The following PIK3C2G variants were observed in gnomAD, a reference collection of about 807,000 sequenced individuals.
PIK3C2G encodes the protein phosphatidylinositol-4-phosphate 3-kinase catalytic subunit type 2 gamma.
In PIK3C2G, 168 loss-of-function variants were observed where a neutral mutation model predicts 181.1. The ratio of observed to expected loss-of-function variants is 0.93; its 90% CI spans 0.82 to 1.05. The LOEUF is 1.05. Ranked by LOEUF, PIK3C2G falls within the 50% of genes least tolerant of loss-of-function variation. The pLI is 0.00. For synonymous variants in PIK3C2G, 573 were observed against 592.2 expected (o/e 0.97, Z 0.47); for missense variants, 1,869 against 1,732.8 (o/e 1.08, Z -1.40).
chr12:18,386,609 G>A (rs1004768398), intron 14 of PIK3C2G, among the ~76,000 whole-genome samples: 1 of 152,072 alleles, frequency 6.6e-6, no homozygotes, highest in Non-Finnish European at 1.5e-5. Context: ...TGGTAGCCCC[G>A]ATTGGGATTC....
chr12:18,379,945 C>CA (rs1220104583), intron 13 of PIK3C2G, among the ~76,000 whole-genome samples: 1 of 152,118 alleles, frequency 6.6e-6, no homozygotes, highest in Admixed American at 6.6e-5. Context: ...ACAGAGAAAC[C>CA]AAAGAAGGCC....
At chr12:18,634,430 C>T (rs568178364) in intron 31 of PIK3C2G, among the ~76,000 whole-genome samples, 45 of 152,298 alleles carry the variant, frequency 3.0e-4, no homozygotes, top group Admixed American at 2.6e-3. Context: ...AGTCCATGGA[C>T]GGTAGTTCTG....
intron 26 of PIK3C2G, among the ~76,000 whole-genome samples, chr12:18,557,065 G>A (rs1945050793): frequency 6.6e-6 from 1 of 152,038 alleles, no homozygotes; most frequent in Non-Finnish European, 1.5e-5. Flanking sequence ...TGCCAACCCA[G>A]AAAAGTCATA....
At chr12:18,701,429 A>T in the PIK3C2G span, 7 of 1,603,682 alleles carry the variant, frequency 4.4e-6, no homozygotes, top group South Asian at 1.1e-5. Flanking sequence ...CCAGAATTTT[A>T]AAAAAATCTC....
chr12:18,711,432 C>T, the PIK3C2G span, among the ~76,000 whole-genome samples: 1,243 of 147,952 alleles, frequency 8.4e-3, 22 homozygotes, highest in African/African-American at 0.029. Flanking sequence ...ATACCTAATG[C>T]TAAATGACGA....
chr12:18,602,842 A>T (rs1048653557), intron 30 of PIK3C2G, among the ~76,000 whole-genome samples: 12 of 152,264 alleles, frequency 7.9e-5, no homozygotes, highest in African/African-American at 2.4e-4. Flanking sequence ...TACATCAAGG[A>T]ACACCCCATG....
chr12:18,678,961 G>A, the PIK3C2G span, among the ~76,000 whole-genome samples: 1 of 152,034 alleles, frequency 6.6e-6, no homozygotes, highest in Non-Finnish European at 1.5e-5. Flanking sequence ...CCCACTAGCA[G>A]TGATTGAGTT....
At chr12:18,412,383 T>C (rs1944912108) in intron 16 of PIK3C2G, among the ~76,000 whole-genome samples, 1 of 152,146 alleles carries the variant, frequency 6.6e-6, no homozygotes, top group South Asian at 2.1e-4. Flanking sequence ...TAAGATGCTA[T>C]TTGCCTTTGT....
chr12:18,396,253 T>C (rs1247756463), intron 15 of PIK3C2G, among the ~76,000 whole-genome samples: 2 of 151,618 alleles, frequency 1.3e-5, no homozygotes, highest in East Asian at 1.9e-4. Context: ...AAAAGAATAA[T>C]ACTTTCCAGG....
intron 17 of PIK3C2G, among the ~76,000 whole-genome samples, chr12:18,422,368 T>G (rs544634501): frequency 6.6e-6 from 1 of 152,240 alleles, no homozygotes; most frequent in African/African-American, 2.4e-5. Flanking sequence ...GTCCTTAGAC[T>G]TCTATACTCT....
chr12:18,665,064 G>A, the PIK3C2G span, among the ~76,000 whole-genome samples: 1 of 150,230 alleles, frequency 6.7e-6, no homozygotes, highest in African/African-American at 2.5e-5. Context: ...GCTAAATGAC[G>A]AGTTGATGGG....
At chr12:18,482,211 T>G (rs1029228814) in intron 18 of PIK3C2G, among the ~76,000 whole-genome samples, 1 of 141,576 alleles carries the variant, frequency 7.1e-6, no homozygotes, top group Non-Finnish European at 1.5e-5. Context: ...AGATCTAGCT[T>G]AGGAATAGAA....
At chr12:18,328,530 A>C (rs1378611134) in intron 8 of PIK3C2G, among the ~76,000 whole-genome samples, 2 of 152,004 alleles carry the variant, frequency 1.3e-5, no homozygotes. Context: ...ACTTAAGCCT[A>C]ATGGTAGTCT....
intron 18 of PIK3C2G, among the ~76,000 whole-genome samples, chr12:18,434,461 C>A (rs761225620): frequency 5.3e-5 from 8 of 151,814 alleles, no homozygotes; most frequent in Non-Finnish European, 8.8e-5. Flanking sequence ...GAAAGAGAAT[C>A]ATAGCATAGA....
chr12:18,697,841 G>C, the PIK3C2G span, among the ~76,000 whole-genome samples: 1 of 151,280 alleles, frequency 6.6e-6, no homozygotes, highest in Non-Finnish European at 1.5e-5. Flanking sequence ...ATAATAATTG[G>C]CATCCTTGAA....
intron 1 of PIK3C2G, among the ~76,000 whole-genome samples, chr12:18,266,398 A>C (rs183952404): frequency 6.6e-6 from 1 of 152,276 alleles, no homozygotes; most frequent in Admixed American, 6.5e-5. Flanking sequence ...CATGCCTTTC[A>C]GTTTTAGTTG....
intron 31 of PIK3C2G, among the ~76,000 whole-genome samples, chr12:18,633,200 G>T (rs475222): frequency 0.54 from 81,751 of 151,962 alleles, 23,446 homozygotes; most frequent in Admixed American, 0.64. Flanking sequence ...GATGTAAAAT[G>T]AATAATGCTT....
At chr12:18,597,225 T>C (rs1484240497) in intron 30 of PIK3C2G, among the ~76,000 whole-genome samples, 3 of 151,228 alleles carry the variant, frequency 2.0e-5, no homozygotes, top group African/African-American at 4.9e-5. Flanking sequence ...GGGTGGTAGA[T>C]GAAATAGAGT....
chr12:18,322,241 G>T (rs1367933660), intron 7 of PIK3C2G, among the ~76,000 whole-genome samples: 1 of 151,874 alleles, frequency 6.6e-6, no homozygotes, highest in Non-Finnish European at 1.5e-5. Flanking sequence ...AATTAGCCGG[G>T]CATGGTGGCA....
Sources: gnomAD v4.1 joint callset for allele counts (sites outside exome capture counted in the v4.1 genomes callset) on GRCh38, gnomAD v4.1.1 for gene constraint, MANE v1.5 for transcripts, NCBI Gene and HGNC (gene_info 2026-07-23, HGNC 2026-07-21) for gene names.